LRRTM3: variants seen among roughly 807,000 people sequenced by gnomAD.
The protein encoded by LRRTM3 is leucine rich repeat transmembrane neuronal 3, also known as leucine-rich repeat transmembrane neuronal protein 3.
A neutral mutation model predicts 44.7 loss-of-function variants in LRRTM3; 24 were observed. That is an observed-to-expected ratio of 0.54 (90% CI 0.39 to 0.76). The LOEUF (loss-of-function observed/expected upper bound fraction) is 0.76, where lower values mean the gene tolerates loss of function less well. Among genes scored for constraint, LRRTM3 ranks in the 30% least tolerant of loss-of-function variants. The pLI, the probability that LRRTM3 is intolerant of heterozygous loss-of-function variation, is 0.00. For missense variants in LRRTM3, 587 were observed against 702.2 expected (o/e 0.84, Z 1.85); for synonymous variants, 277 against 278.7 (o/e 0.99, Z 0.06).
chr10:66,988,053 A>C (rs1850833056), intron 2 of LRRTM3, among the ~76,000 whole-genome samples: 1 of 152,112 alleles, frequency 6.6e-6, no homozygotes, highest in African/African-American at 2.4e-5. Flanking sequence ...TTTGTCAATA[A>C]TTTATTATTC....
intron 2 of LRRTM3, among the ~76,000 whole-genome samples, chr10:66,972,397 C>A (rs546012157): frequency 6.6e-6 from 1 of 152,246 alleles, no homozygotes; most frequent in South Asian, 2.1e-4. Flanking sequence ...CTCAAGCAGT[C>A]CTCCTGCCTC....
intron 2 of LRRTM3, among the ~76,000 whole-genome samples, chr10:67,070,837 T>G (rs1434981333): frequency 6.6e-6 from 1 of 152,206 alleles, no homozygotes; most frequent in Non-Finnish European, 1.5e-5. Flanking sequence ...ATTTCCTACC[T>G]AGTTGCCCTG....
intron 2 of LRRTM3, among the ~76,000 whole-genome samples, chr10:66,930,107 G>A (rs1847293758): frequency 6.6e-6 from 1 of 151,856 alleles, no homozygotes; most frequent in South Asian, 2.1e-4. Context: ...AAAAATCTAG[G>A]CAAGTCACCA....
At chr10:66,964,964 A>C (rs1337329001) in intron 2 of LRRTM3, among the ~76,000 whole-genome samples, 3 of 152,248 alleles carry the variant, frequency 2.0e-5, no homozygotes, top group Non-Finnish European at 4.4e-5. Context: ...ATTTAAAGCT[A>C]TTAAAAAGCA....
chr10:67,044,200 GA>G (rs1258142471), intron 2 of LRRTM3, among the ~76,000 whole-genome samples: 1 of 151,902 alleles, frequency 6.6e-6, no homozygotes, highest in Non-Finnish European at 1.5e-5. Flanking sequence ...TAATATTAAA[GA>G]AAAAATATGG....
Position 67,097,654 on chromosome 10 carries a change from T to G in LRRTM3, c.1604T>G (p.Val535Gly). 6.2e-7 allele frequency: 1 copy of G among 1,612,494 alleles called. No individual in the cohort carries two copies. Among genetic ancestry groups the G allele is most frequent in the Non-Finnish European group, 8.5e-7 (1 of 1,179,020 alleles). ...CAGCCCACAATAAGTTACTGTGGGG[T>G]GCATCATGAACTTCTCTCCCATAAG... Reference protein sequence around the residue: ...YDQPTISYCGVHHELLSHKSF... With the variant: ...YDQPTISYCGGHHELLSHKSF... Residue 535 changes from valine to glycine, a missense_variant, in exon 3 of 3, where the codon GTG becomes GGG. By Grantham distance (109) the Val-to-Gly change is moderately radical (BLOSUM62 -3). Transcript: ENST00000361320.
intron 2 of LRRTM3, among the ~76,000 whole-genome samples, chr10:66,941,237 C>T (rs1233559269): frequency 6.6e-6 from 1 of 152,224 alleles, no homozygotes; most frequent in Non-Finnish European, 1.5e-5. Context: ...CTCCATTTTA[C>T]TCCAGTGTCA....
Position 67,082,855 on chromosome 10 carries a change from A to G in LRRTM3, c.1537-14732A>G, listed in dbSNP as rs116131845. Among the ~76,000 whole-genome samples, 1,378 of 152,302 alleles carry G rather than the reference A, an allele frequency of 9.0e-3. 24 individuals carry two copies. Among genetic ancestry groups the G allele is most frequent in the African/African-American group, 0.032 (1,314 of 41,572 alleles). On this transcript the variant is annotated intron_variant, in intron 2 of 2. Transcript: ENST00000361320. The stretch of plus-strand genomic sequence containing the variant: ...AACTGGGTAGTCTGGGGGATGGACC[A>G]CAATATTATGAGTCAAGCAACTAAC...
intron 2 of LRRTM3, among the ~76,000 whole-genome samples, chr10:66,931,810 C>T (rs537687072): frequency 2.0e-5 from 3 of 152,202 alleles, no homozygotes; most frequent in East Asian, 3.9e-4. Context: ...AGATGAAAAG[C>T]GAGTAATAAC....
chr10:66,987,298 T>G (rs993291837), intron 2 of LRRTM3, among the ~76,000 whole-genome samples: 2 of 152,112 alleles, frequency 1.3e-5, no homozygotes, highest in African/African-American at 4.8e-5. Flanking sequence ...AAGGCAGAAT[T>G]AGAGAGACAG....
chr10:66,947,512 G>A lies in LRRTM3; in HGVS notation c.1536+19060G>A, dbSNP rs967797322. Among the ~76,000 whole-genome samples the A allele has an allele frequency of 1.1e-4, 17 of 152,014 alleles. No individual in the cohort carries two copies. The South Asian group carries it at 2.5e-3, about 22-fold the overall frequency. ...TTAAGCAACTGAGCCTGCCCTCTTT[G>A]TTTCCCCCACCCTCTCTCACTCTGT... On this transcript the variant is annotated intron_variant, in intron 2 of 2. Transcript: ENST00000361320.
At chr10:66,969,418 C>T (rs192099249) in intron 2 of LRRTM3, among the ~76,000 whole-genome samples, 1 of 152,218 alleles carries the variant, frequency 6.6e-6, no homozygotes, top group East Asian at 1.9e-4. Context: ...GCTATTGATG[C>T]ACATTTGAAT....
At chr10:66,935,008 C>A (rs2132655999) in intron 2 of LRRTM3, among the ~76,000 whole-genome samples, 1 of 152,132 alleles carries the variant, frequency 6.6e-6, no homozygotes, top group East Asian at 1.9e-4. Context: ...GCTATGCTAC[C>A]TTGAGTGGTG....
In LRRTM3 at chr10:67,098,988, T is replaced by G. The variant is rs1184732337; in HGVS notation, c.*1192T>G. 1 of 151,838 alleles carries G rather than the reference T, an allele frequency of 6.6e-6. No homozygotes were observed. The highest frequency in any genetic ancestry group is 1.5e-5 in the Non-Finnish European group (1 of 67,868). The allele number at this position is 151,838 out of a possible 1,614,324, so 9.4% of individuals were successfully genotyped here. Reference sequence around the variant, plus strand: ...ATCATTTCTCTCCTGAGGAAGAATTTTAAACATGTACAGCTCATTCAATAT... The same window carrying G: ...ATCATTTCTCTCCTGAGGAAGAATTGTAAACATGTACAGCTCATTCAATAT... On this transcript the variant is annotated 3_prime_UTR_variant, in exon 3 of 3. Transcript: ENST00000361320.
At chr10:67,010,128 C>G (rs1372294218) in intron 2 of LRRTM3, among the ~76,000 whole-genome samples, 4 of 152,198 alleles carry the variant, frequency 2.6e-5, no homozygotes, top group African/African-American at 9.6e-5. Flanking sequence ...CTAACTAGTA[C>G]TATGGCATTA....
intron 2 of LRRTM3, among the ~76,000 whole-genome samples, chr10:67,053,853 G>A (rs186120886): frequency 3.9e-5 from 6 of 152,284 alleles, no homozygotes; most frequent in Admixed American, 3.3e-4. Flanking sequence ...AGATGTAAAT[G>A]AGCATGACTT....
At chr10:66,941,177 T>C (rs1436702951) in intron 2 of LRRTM3, among the ~76,000 whole-genome samples, 3 of 152,174 alleles carry the variant, frequency 2.0e-5, no homozygotes, top group African/African-American at 7.2e-5. Context: ...TTAATTAAAA[T>C]GCACAGTTAC....
At chr10:67,066,231 C>T (rs1273927235) in intron 2 of LRRTM3, among the ~76,000 whole-genome samples, 4 of 146,956 alleles carry the variant, frequency 2.7e-5, no homozygotes, top group Admixed American at 2.0e-4. Flanking sequence ...CTTGCTCCAT[C>T]GCCCAGGCTA....
At chr10:67,004,744 A>G (rs1589586499) in intron 2 of LRRTM3, among the ~76,000 whole-genome samples, 1 of 152,312 alleles carries the variant, frequency 6.6e-6, no homozygotes, top group South Asian at 2.1e-4. Context: ...TATCATGTCA[A>G]TTATTTGCTA....
Sources: allele counts gnomAD v4.1 joint callset (sites outside exome capture counted in the v4.1 genomes callset), GRCh38; gene constraint gnomAD v4.1.1; transcripts MANE v1.5; gene names NCBI Gene and HGNC (gene_info 2026-07-23, HGNC 2026-07-21).